SPG11: variants seen among roughly 807,000 people sequenced by gnomAD.
The protein encoded by SPG11 is SPG11 vesicle trafficking associated, spatacsin.
SPG11 carries 222 observed loss-of-function variants against 274.0 expected under a neutral mutation model. The observed-to-expected ratio is 0.81, with a 90% CI of 0.73 to 0.91. The LOEUF (loss-of-function observed/expected upper bound fraction) is 0.91, where lower values mean the gene tolerates loss of function less well. SPG11 is among the 40% of genes least tolerant of loss of function. The pLI is 0.00. For missense variants in SPG11, 3,114 were observed against 2,872.7 expected, an observed-to-expected ratio of 1.08 and a Z score of -1.92; for synonymous variants, 1,144 against 1,039.7, an observed-to-expected ratio of 1.10 and a Z score of -1.93.
rs752165478 is a variant in SPG11 at position 44,569,457 on chromosome 15, A to G, written c.6526T>C (p.Phe2176Leu). ...TAGTGCTTTTTATGCAGCAAATCAA[A>G]TATGTATGTCATCTCGTTGTACCTT... The part of the protein sequence containing the change: ...IGRYNEMTYI[F>L]DLLHKKHYFE... Residue 2176 changes from phenylalanine to leucine, a missense_variant, in exon 35 of 40, where the codon TTT (phenylalanine) becomes CTT (leucine). Physicochemically the swap from Phe to Leu is conservative, Grantham distance 22 (BLOSUM62 0). Coordinates refer to ENST00000261866, the MANE Select transcript of SPG11 (RefSeq NM_025137.4). 9 of 1,606,324 alleles carry G rather than the reference A, an allele frequency of 5.6e-6. No individual in the cohort carries two copies. The highest frequency in any genetic ancestry group is 7.7e-6 in the Non-Finnish European group (9 of 1,175,908).
At position 44,636,828 on chromosome 15, in the gene SPG11, A is replaced by G. The variant is rs141157848; in HGVS notation, c.1603-3191T>C. Among the ~76,000 whole-genome samples, 920 of 149,518 alleles carry G rather than the reference A, an allele frequency of 6.2e-3. 26 individuals are homozygous for G. The East Asian group carries it at 0.09, about 15-fold the overall frequency. On this transcript the variant is annotated intron_variant, in intron 7 of 39. Transcript: ENST00000261866. ...GTAATCCCAGCTACTTGGGAGGCTG[A>G]GAGAGGAGAATCGCTTGAACCCAGG...
At chr15:44,574,870 CAGAA>C (rs750399620) in intron 31 of SPG11, 28 bp downstream of exon 31, 37 of 1,612,802 alleles carry the variant, frequency 2.3e-5, no homozygotes, top group Non-Finnish European at 3.0e-5. Context: ...CCCTCCCTCT[CAGAA>C]AGAGGAGCCC....
Position 44,651,753 on chromosome 15 carries a change from A to G in SPG11, c.1194T>C (p.Val398=). 1 of 1,614,230 alleles carries G rather than the reference A, an allele frequency of 6.2e-7. No individual in the cohort carries two copies. The highest frequency in any genetic ancestry group is 8.5e-7 in the Non-Finnish European group (1 of 1,180,042). ...TGGTCTTGGCATGATCTTTCTGTAGAACATTATATTGCCCATGCATTATGT... is the reference window on the plus strand; with the variant it reads ...TGGTCTTGGCATGATCTTTCTGTAGGACATTATATTGCCCATGCATTATGT... ...PQDIMHGQYN[V]LQKDHAKTSD... is the part of the protein sequence containing the mutation. Residue 398 remains valine (V), a synonymous_variant, in exon 6 of 40, where the codon GTT becomes GTC. Coordinates refer to ENST00000261866, the MANE Select transcript of SPG11 (RefSeq NM_025137.4).
At chr15:44,653,697 C>T (rs939584164) in intron 4 of SPG11, among the ~76,000 whole-genome samples, 9 of 152,266 alleles carry the variant, frequency 5.9e-5, no homozygotes, top group East Asian at 3.9e-4. Context: ...TGATGATTAA[C>T]TGGATGTGGA....
rs997623054 is a variant in SPG11 at position 44,652,166 on chromosome 15, T to G, written c.970A>C (p.Asn324His). Reference protein sequence around the residue: ...DEDDPVNSAYNMKLAKFSFQI... With the variant: ...DEDDPVNSAYHMKLAKFSFQI... Reference sequence around the variant, plus strand: ...AAGGAAAACTTGGCCAGTTTCATGTTGTAGGCAGAGTTAACAGGATCATCT... The same window carrying G: ...AAGGAAAACTTGGCCAGTTTCATGTGGTAGGCAGAGTTAACAGGATCATCT... The change falls in exon 5 of 40, where the codon AAC becomes CAC. Residue 324 changes from asparagine (N) to histidine (H), a missense_variant. Transcript: ENST00000261866. 3.7e-6 allele frequency: 6 copies of G among 1,614,182 alleles called. 1 individual carries two copies. In the Admixed American group the frequency reaches 8.3e-5, roughly 22 times the overall value.
chr15:44,604,111 T>G (rs1029839872), intron 20 of SPG11: 1 of 434,706 alleles, frequency 2.3e-6, no homozygotes, highest in Non-Finnish European at 4.5e-6. Flanking sequence ...GTACCTGCTC[T>G]TGTTTTCAAA....
intron 26 of SPG11, 46 bp from the exon 27 acceptor site, chr15:44,592,484 A>G (rs1333706283): frequency 5.4e-6 from 6 of 1,108,314 alleles, no homozygotes; most frequent in South Asian, 1.2e-5. Flanking sequence ...TGAACTTAAT[A>G]TTTTTTCAAT....
At chr15:44,568,889 C>G (rs372462447) in intron 35 of SPG11, among the ~76,000 whole-genome samples, 1 of 151,996 alleles carries the variant, frequency 6.6e-6, no homozygotes, top group African/African-American at 2.4e-5. Flanking sequence ...TATTTAGCAT[C>G]GGCTGGGCAC....
chr15:44,622,089 TGATAC>T (rs1188594606), intron 13 of SPG11, 126 bp downstream of exon 13: 6 of 1,231,300 alleles, frequency 4.9e-6, no homozygotes, highest in Non-Finnish European at 5.8e-6. Context: ...CCCTTCTGTC[TGATAC>T]AAGTTTTATC....
intron 34 of SPG11, 34 bp from the exon 35 acceptor site, chr15:44,569,539 A>T: frequency 6.7e-7 from 1 of 1,500,014 alleles, no homozygotes; most frequent in Non-Finnish European, 9.1e-7. Flanking sequence ...CATCAGCATC[A>T]CCTGGAGTCT....
chr15:44,566,227 C>A lies in SPG11; in HGVS notation c.6833G>T (p.Ser2278Ile), dbSNP rs764514269. ...ALTLMLDAAE[S>I]YAKDSCVRQA... ...AAGCCTTTGGGTTACCTTGGCATAA[C>A]TCTCTGCTGCATCCAACATCAGAGT... is the stretch of plus-strand genomic sequence containing the variant. Residue 2278 changes from serine to isoleucine, a missense_variant, in exon 37 of 40, where the codon AGT becomes ATT. Transcript: ENST00000261866. 6.2e-7 allele frequency: 1 copy of A among 1,614,172 alleles called. No homozygotes were observed. Among genetic ancestry groups the A allele is most frequent in the Non-Finnish European group, 8.5e-7 (1 of 1,179,984 alleles).
At chr15:44,573,805 C>T (rs1373151946) in intron 31 of SPG11, 60 bp from the exon 32 acceptor site, 6 of 1,536,412 alleles carry the variant, frequency 3.9e-6, no homozygotes, top group Non-Finnish European at 5.4e-6. Flanking sequence ...AGCAAAAGAG[C>T]CCTTTCTGAA....
chr15:44,592,283 C>T, intron 27 of SPG11, 48 bp downstream of exon 27: 1 of 1,176,748 alleles, frequency 8.5e-7, no homozygotes, highest in Non-Finnish European at 1.3e-6. Flanking sequence ...TCCATGCATG[C>T]CAACCAAGTG....
Position 44,579,496 on chromosome 15 carries a change from T to A in SPG11, c.5866+4318A>T, listed in dbSNP as rs111926944. ...GAGCCGAGGTCACACCACTGCACTC[T>A]AGCATGGGCGATAGAGTGAGACTCC... On this transcript the variant is annotated intron_variant, in intron 30 of 39. Transcript: ENST00000261866. Among the ~76,000 whole-genome samples the A allele has an allele frequency of 4.1e-5, 5 of 122,210 alleles. No homozygotes were observed. The East Asian group carries it at 1.2e-3, about 28-fold the overall frequency. 80.2% of individuals were successfully genotyped at this position (122,210 alleles called of 152,430 possible). A position where few individuals can be genotyped will look rare whatever the true frequency, so the allele number is the denominator to read the frequency against.
At chr15:44,636,676 A>C (rs934314973) in intron 7 of SPG11, among the ~76,000 whole-genome samples, 2 of 151,736 alleles carry the variant, frequency 1.3e-5, no homozygotes, top group African/African-American at 4.8e-5. Flanking sequence ...AAAACAAAAA[A>C]ACAAATGTGG....
rs538864319 is a variant in SPG11 at position 44,608,802 on chromosome 15, A to G, written c.3292-197T>C. ...AAACTAGCTATGTGACCTTAGCTAGATATTTAATATCGGGTCTTTGTTTCC... is the reference window on the plus strand; with the variant it reads ...AAACTAGCTATGTGACCTTAGCTAGGTATTTAATATCGGGTCTTTGTTTCC... On this transcript the variant is annotated intron_variant, in intron 18 of 39. Transcript: ENST00000261866. Among the ~76,000 whole-genome samples, 8 of 152,286 alleles carry G rather than the reference A, an allele frequency of 5.3e-5. No homozygotes were observed. The South Asian group carries it at 1.7e-3, about 32-fold the overall frequency.
chr15:44,584,627 C>T, intron 29 of SPG11, 69 bp from the exon 30 acceptor site: 1 of 1,554,582 alleles, frequency 6.4e-7, no homozygotes, highest in Non-Finnish European at 8.7e-7. Context: ...CTAATGTTCC[C>T]TAAGTATATC....
At chr15:44,576,657 A>G (rs915213322) in intron 30 of SPG11, among the ~76,000 whole-genome samples, 1 of 152,048 alleles carries the variant, frequency 6.6e-6, no homozygotes, top group African/African-American at 2.4e-5. Context: ...TCAAAAAAAA[A>G]AGAGAAAGAA....
intron 7 of SPG11, among the ~76,000 whole-genome samples, chr15:44,644,166 C>CAAA (rs35554299): frequency 1.1e-4 from 10 of 86,996 alleles, no homozygotes; most frequent in African/African-American, 4.0e-4. Flanking sequence ...GACTCCATCT[C>CAAA]AAAAAAAAAA....
Sources: allele counts gnomAD v4.1 joint callset (sites outside exome capture counted in the v4.1 genomes callset), GRCh38; gene constraint gnomAD v4.1.1; transcripts MANE v1.5; gene names NCBI Gene and HGNC (gene_info 2026-07-23, HGNC 2026-07-21).